USH2A: variants seen among roughly 807,000 people sequenced by gnomAD.
USH2A encodes Usher syndrome 2A (autosomal recessive, mild).
Under a neutral mutation model 538.9 loss-of-function variants are expected in USH2A, and 443 were observed. The observed-to-expected ratio is 0.82, with a 90% confidence interval of 0.76 to 0.89. USH2A has a LOEUF of 0.89. Ranked by LOEUF, USH2A falls within the 40% of genes least tolerant of loss-of-function variation. The pLI is 0.00. For missense variants in USH2A, 6,633 were observed against 6,324.8 expected (o/e 1.05, Z -1.65); for synonymous variants, 2,413 against 2,273.5 (o/e 1.06, Z -1.75).
At chr1:216,014,105 A>G (rs1668645239) in intron 32 of USH2A, among the ~76,000 whole-genome samples, 1 of 144,720 alleles carries the variant, frequency 6.9e-6, no homozygotes. Context: ...GAGAGAGAAG[A>G]GAACCTAATT....
intron 49 of USH2A, among the ~76,000 whole-genome samples, chr1:215,800,397 T>C (rs915354069): frequency 1.3e-5 from 2 of 152,170 alleles, no homozygotes; most frequent in African/African-American, 4.8e-5. Context: ...TTATATCTTA[T>C]AAGGTATGTG....
chr1:215,683,452 G>T (rs771369160), intron 61 of USH2A, among the ~76,000 whole-genome samples: 25 of 152,170 alleles, frequency 1.6e-4, no homozygotes, highest in Admixed American at 1.6e-3. Flanking sequence ...CAACATCAAA[G>T]TTCACTATTT....
chr1:216,191,629 C>G, intron 19 of USH2A, among the ~76,000 whole-genome samples: 1 of 151,752 alleles, frequency 6.6e-6, no homozygotes, highest in Non-Finnish European at 1.5e-5. Context: ...AATGAAGATA[C>G]AAACTTTTCT....
At chr1:216,380,781 G>A (rs1360593689) in intron 3 of USH2A, among the ~76,000 whole-genome samples, 1 of 152,088 alleles carries the variant, frequency 6.6e-6, no homozygotes, top group Non-Finnish European at 1.5e-5. Flanking sequence ...TAGCAAAGTT[G>A]TAAATGTCCA....
At chr1:216,003,287 A>G (rs142381475) in intron 32 of USH2A, among the ~76,000 whole-genome samples, 233 of 152,178 alleles carry the variant, frequency 1.5e-3, no homozygotes, top group African/African-American at 5.0e-3. Context: ...AGATTATCCA[A>G]GGTATTATGA....
chr1:216,005,534 C>G (rs1668371272), intron 32 of USH2A, among the ~76,000 whole-genome samples: 1 of 152,038 alleles, frequency 6.6e-6, no homozygotes, highest in Non-Finnish European at 1.5e-5. Flanking sequence ...TGAGCAAGAC[C>G]AGAAGGATAT....
At chr1:215,659,048 A>C (rs1428624513) in intron 64 of USH2A, among the ~76,000 whole-genome samples, 1 of 152,212 alleles carries the variant, frequency 6.6e-6, no homozygotes, top group East Asian at 1.9e-4. Context: ...GGGATACAAC[A>C]GTGAACAAGG....
chr1:215,874,553 C>T (rs1664710354), intron 43 of USH2A, among the ~76,000 whole-genome samples: 1 of 152,092 alleles, frequency 6.6e-6, no homozygotes, highest in African/African-American at 2.4e-5. Context: ...TAAATTGGTG[C>T]TTTTCTATGC....
In USH2A at chr1:215,625,550, A is replaced by C. The variant is rs1234422177; in HGVS notation, c.*231T>G. ...ACTTCTTTGTCTTCTACAAAATAAG[A>C]GCAAATCAAGTATTTTCATATGAAT... On this transcript the variant is annotated 3_prime_UTR_variant, in exon 72 of 72. Transcript: ENST00000307340. 1 of 566,288 alleles carries C rather than the reference A, an allele frequency of 1.8e-6. No individual in the cohort carries two copies. The highest frequency in any genetic ancestry group is 3.2e-6 in the Non-Finnish European group (1 of 316,656). The allele number at this position is 566,288 out of a possible 1,614,324, so 35.1% of individuals were successfully genotyped here. A position where few individuals can be genotyped will look rare whatever the true frequency, so the allele number is the denominator to read the frequency against.
intron 37 of USH2A, among the ~76,000 whole-genome samples, chr1:215,954,223 CA>C (rs1667002830): frequency 6.6e-6 from 1 of 152,016 alleles, no homozygotes; most frequent in South Asian, 2.1e-4. Context: ...GGTATATACC[CA>C]AGGGATTATA....
At chr1:215,790,899 G>A (rs1661962414) in intron 50 of USH2A, among the ~76,000 whole-genome samples, 1 of 152,158 alleles carries the variant, frequency 6.6e-6, no homozygotes, top group Admixed American at 6.5e-5. Context: ...CTGATCAGGT[G>A]CACTAATCAG....
chr1:216,033,910 T>G (rs1040367583), intron 32 of USH2A, among the ~76,000 whole-genome samples: 2 of 152,130 alleles, frequency 1.3e-5, no homozygotes, highest in Non-Finnish European at 2.9e-5. Flanking sequence ...ATGCTGGGTT[T>G]TTGTTTGGGA....
At chr1:216,014,300 C>T (rs28505495) in intron 32 of USH2A, among the ~76,000 whole-genome samples, 93,845 of 151,864 alleles carry the variant, frequency 0.62, 29,273 homozygotes, top group East Asian at 0.75. Context: ...AAACAGTTAA[C>T]AAAAAGAAAT....
chr1:216,217,878 T>C (rs1471874793), intron 14 of USH2A, among the ~76,000 whole-genome samples: 4 of 152,126 alleles, frequency 2.6e-5, no homozygotes, highest in African/African-American at 4.8e-5. Flanking sequence ...CAATTAAGAA[T>C]GCTGTAAATT....
chr1:216,381,765 C>A (rs2038926708), intron 3 of USH2A, among the ~76,000 whole-genome samples: 1 of 152,076 alleles, frequency 6.6e-6, no homozygotes, highest in African/African-American at 2.4e-5. Flanking sequence ...CAACTAATAT[C>A]TCTCATCTGT....
intron 32 of USH2A, among the ~76,000 whole-genome samples, chr1:216,032,650 C>T (rs1020303338): frequency 1.6e-4 from 24 of 152,058 alleles, no homozygotes; most frequent in African/African-American, 5.8e-4. Flanking sequence ...CAATTTAAAG[C>T]AGAGTGTTTT....
chr1:216,361,714 C>A (rs751792043), intron 4 of USH2A, among the ~76,000 whole-genome samples: 6 of 152,158 alleles, frequency 3.9e-5, no homozygotes, highest in Non-Finnish European at 5.9e-5. Context: ...TCTGGCAAAA[C>A]TAACAGTTGA....
intron 21 of USH2A, among the ~76,000 whole-genome samples, chr1:216,113,754 A>G (rs1311814673): frequency 6.6e-6 from 1 of 151,862 alleles, no homozygotes; most frequent in Non-Finnish European, 1.5e-5. Context: ...TTTTTGTTTT[A>G]AAATCTAAAT....
At chr1:216,277,768 G>A (rs114432178) in intron 11 of USH2A, among the ~76,000 whole-genome samples, 7,715 of 152,156 alleles carry the variant, frequency 0.051, 306 homozygotes, top group Middle Eastern at 0.16. Flanking sequence ...TAGCAGAAGC[G>A]ACACACACCT....
Sources: gnomAD v4.1 joint callset for allele counts (sites outside exome capture counted in the v4.1 genomes callset) on GRCh38, gnomAD v4.1.1 for gene constraint, MANE v1.5 for transcripts, NCBI Gene and HGNC (gene_info 2026-07-23, HGNC 2026-07-21) for gene names.